The following CA10 variants were observed in gnomAD, a reference collection of about 807,000 sequenced individuals.
CA10 encodes carbonic anhydrase-related protein 10.
A neutral mutation model predicts 44.2 loss-of-function variants in CA10; 14 were observed. The ratio of observed to expected loss-of-function variants is 0.32; its 90% CI spans 0.21 to 0.50. The LOEUF (loss-of-function observed/expected upper bound fraction) is 0.50. Among genes scored for constraint, CA10 ranks in the 20% least tolerant of loss-of-function variants. CA10 has a pLI of 0.99. For synonymous variants in CA10, 159 were observed against 141.6 expected, an observed-to-expected ratio of 1.12 and a Z score of -0.87; for missense variants, 350 against 409.7, an observed-to-expected ratio of 0.85 and a Z score of 1.26.
intron 4 of CA10, among the ~76,000 whole-genome samples, chr17:51,671,376 C>T (rs930314042): frequency 3.3e-5 from 5 of 151,062 alleles, no homozygotes; most frequent in Non-Finnish European, 1.5e-5. Flanking sequence ...ACATGACTCA[C>T]AGTTTCACAC....
At chr17:51,992,991 G>T (rs1435180882) in intron 2 of CA10, among the ~76,000 whole-genome samples, 1 of 152,100 alleles carries the variant, frequency 6.6e-6, no homozygotes, top group African/African-American at 2.4e-5. Context: ...CAAGGAAGTG[G>T]CAGGCAATCT....
intron 2 of CA10, among the ~76,000 whole-genome samples, chr17:51,945,743 T>TC (rs1459893532): frequency 6.6e-6 from 1 of 152,092 alleles, no homozygotes; most frequent in Admixed American, 6.6e-5. Context: ...TAAGCCTCCT[T>TC]CCCCTCGACT....
At chr17:51,754,100 T>C (rs1269792455) in intron 3 of CA10, among the ~76,000 whole-genome samples, 1 of 151,986 alleles carries the variant, frequency 6.6e-6, no homozygotes, top group Non-Finnish European at 1.5e-5. Context: ...TGCCTCGGCC[T>C]CCCAAAGTGC....
At chr17:51,729,673 C>A (rs1916649737) in intron 4 of CA10, among the ~76,000 whole-genome samples, 2 of 152,230 alleles carry the variant, frequency 1.3e-5, no homozygotes, top group African/African-American at 4.8e-5. Flanking sequence ...GCTCCCTCTT[C>A]ATTTGCTGGT....
At chr17:52,154,981 T>C (rs1989775009) in intron 1 of CA10, among the ~76,000 whole-genome samples, 1 of 152,186 alleles carries the variant, frequency 6.6e-6, no homozygotes, top group Admixed American at 6.5e-5. Context: ...GAACCTTTGG[T>C]TAACAAAACA....
chr17:51,867,276 G>T (rs186927232), intron 3 of CA10, among the ~76,000 whole-genome samples: 13 of 152,128 alleles, frequency 8.5e-5, no homozygotes, highest in Non-Finnish European at 1.6e-4. Flanking sequence ...AAAGGAAAAA[G>T]CATGATTTTC....
rs150000503 is a variant in CA10 at position 52,154,927 on chromosome 17, A to G, written c.61+2799T>C. 2.8e-3 allele frequency among the ~76,000 whole-genome samples: 419 copies of G among 152,292 alleles called. 2 individuals carry two copies. Among genetic ancestry groups the G allele is most frequent in the Non-Finnish European group, 4.2e-3 (283 of 68,026 alleles). On this transcript the variant is annotated intron_variant, in intron 1 of 8. Coordinates refer to ENST00000451037, the MANE Select transcript of CA10 (RefSeq NM_020178.5). Reference sequence around the variant, plus strand: ...TCTGTACTTTAAGCAATATATCCAAATAGGCCCAAGGAGAAATTTGGGGGT... The same window carrying G: ...TCTGTACTTTAAGCAATATATCCAAGTAGGCCCAAGGAGAAATTTGGGGGT...
At chr17:52,100,040 T>C (rs1021113928) in intron 1 of CA10, among the ~76,000 whole-genome samples, 3 of 152,160 alleles carry the variant, frequency 2.0e-5, no homozygotes, top group Non-Finnish European at 4.4e-5. Context: ...TGATTGTAGA[T>C]AATAAGCTCA....
chr17:52,133,312 C>G (rs1256287102), intron 1 of CA10, among the ~76,000 whole-genome samples: 1 of 152,158 alleles, frequency 6.6e-6, no homozygotes, highest in Non-Finnish European at 1.5e-5. Flanking sequence ...ATTCACACAG[C>G]AGGAGAGCCA....
At chr17:52,063,549 T>C (rs972833137) in intron 2 of CA10, among the ~76,000 whole-genome samples, 24 of 152,202 alleles carry the variant, frequency 1.6e-4, no homozygotes, top group Non-Finnish European at 3.5e-4. Context: ...ACCTTTATAG[T>C]AATGAGCAAG....
chr17:52,114,213 A>G (rs1988843783), intron 1 of CA10, among the ~76,000 whole-genome samples: 1 of 152,242 alleles, frequency 6.6e-6, no homozygotes, highest in South Asian at 2.1e-4. Context: ...GAAGAGGCTT[A>G]TATCCAGATA....
At chr17:51,745,713 T>C (rs1241696588) in intron 4 of CA10, among the ~76,000 whole-genome samples, 3 of 152,208 alleles carry the variant, frequency 2.0e-5, no homozygotes, top group African/African-American at 7.2e-5. Context: ...AATAATACAA[T>C]GTAAAGATTT....
chr17:51,657,120 C>T (rs992226406), intron 4 of CA10, among the ~76,000 whole-genome samples: 2 of 152,210 alleles, frequency 1.3e-5, no homozygotes, highest in South Asian at 4.2e-4. Flanking sequence ...TAGGCCTTTG[C>T]AGTTTACAGA....
intron 3 of CA10, among the ~76,000 whole-genome samples, chr17:51,820,405 A>ACCC (rs748623140): frequency 2.3e-3 from 89 of 39,190 alleles, no homozygotes; most frequent in African/African-American, 6.3e-3. Flanking sequence ...GGATTCCCCT[A>ACCC]CCCCCCCCCC....
intron 4 of CA10, 62 bp downstream of exon 4, chr17:51,747,571 C>G: frequency 7.2e-7 from 1 of 1,394,986 alleles, no homozygotes; most frequent in Non-Finnish European, 9.8e-7. Context: ...ATCTTGGACA[C>G]AAACAGGCAC....
At chr17:52,098,534 T>C (rs1988459606) in intron 1 of CA10, among the ~76,000 whole-genome samples, 1 of 152,240 alleles carries the variant, frequency 6.6e-6, no homozygotes, top group South Asian at 2.1e-4. Context: ...AGTGTCACAC[T>C]ACAGACATGT....
At chr17:52,134,079 G>A (rs1177677161) in intron 1 of CA10, among the ~76,000 whole-genome samples, 1 of 152,166 alleles carries the variant, frequency 6.6e-6, no homozygotes, top group African/African-American at 2.4e-5. Context: ...TCAAAGAGCT[G>A]TTCCCCCAGT....
At chr17:51,724,805 T>G (rs954768041) in intron 4 of CA10, among the ~76,000 whole-genome samples, 8 of 152,160 alleles carry the variant, frequency 5.3e-5, no homozygotes, top group African/African-American at 1.9e-4. Context: ...ATTCCTTCCA[T>G]GCAATTCCCC....
At chr17:51,883,316 T>C (rs1980459673) in intron 3 of CA10, among the ~76,000 whole-genome samples, 1 of 152,182 alleles carries the variant, frequency 6.6e-6, no homozygotes, top group South Asian at 2.1e-4. Context: ...TCTGTTATTC[T>C]TCCCAACTTA....
Sources: allele counts gnomAD v4.1 joint callset (sites outside exome capture counted in the v4.1 genomes callset), GRCh38; gene constraint gnomAD v4.1.1; transcripts MANE v1.5; gene names NCBI Gene and HGNC (gene_info 2026-07-23, HGNC 2026-07-21).